PAPPA: variants seen among roughly 807,000 people sequenced by gnomAD.
The protein encoded by PAPPA is pappalysin-1.
PAPPA carries 60 observed loss-of-function variants against 164.0 expected under a neutral mutation model. The ratio of observed to expected loss-of-function variants is 0.37; its 90% CI spans 0.30 to 0.45. PAPPA has a LOEUF of 0.45. PAPPA is among the 20% of genes least tolerant of loss of function. The pLI, the probability that PAPPA is intolerant of heterozygous loss-of-function variation, is 1.00. For missense variants in PAPPA, 1,782 were observed against 2,087.3 expected (o/e 0.85, Z 2.85); for synonymous variants, 875 against 814.1 (o/e 1.07, Z -1.27).
chr9:116,376,855 A>G (rs901989894), intron 19 of PAPPA, among the ~76,000 whole-genome samples: 1 of 152,158 alleles, frequency 6.6e-6, no homozygotes, highest in Admixed American at 6.5e-5. Context: ...GCAGACCAGT[A>G]TGACACGGCA....
intron 1 of PAPPA, among the ~76,000 whole-genome samples, chr9:116,170,002 A>G (rs1448962073): frequency 5.9e-5 from 9 of 152,122 alleles, no homozygotes; most frequent in Non-Finnish European, 1.3e-4. Context: ...CCTATTTTAG[A>G]TCAACGAGGA....
At chr9:116,317,536 A>G (rs1291078219) in intron 10 of PAPPA, among the ~76,000 whole-genome samples, 1 of 152,146 alleles carries the variant, frequency 6.6e-6, no homozygotes, top group Non-Finnish European at 1.5e-5. Flanking sequence ...AGCTAAGTAG[A>G]TTTTTGTTTT....
intron 9 of PAPPA, among the ~76,000 whole-genome samples, chr9:116,294,341 C>T (rs1195849253): frequency 6.6e-6 from 1 of 152,124 alleles, no homozygotes; most frequent in African/African-American, 2.4e-5. Flanking sequence ...TTCAGTAGAC[C>T]TAATCAGCAT....
chr9:116,170,663 A>G (rs1042129804), intron 1 of PAPPA, among the ~76,000 whole-genome samples: 3 of 123,926 alleles, frequency 2.4e-5, no homozygotes. Flanking sequence ...CCTTCCATCC[A>G]CCCTTCCATC....
intron 4 of PAPPA, among the ~76,000 whole-genome samples, chr9:116,216,701 C>T (rs1316404169): frequency 1.3e-5 from 2 of 152,118 alleles, no homozygotes; most frequent in Non-Finnish European, 2.9e-5. Context: ...TGCTAAGTCT[C>T]CAAGTAATGT....
At chr9:116,327,209 T>C (rs1486812171) in intron 10 of PAPPA, among the ~76,000 whole-genome samples, 1 of 152,160 alleles carries the variant, frequency 6.6e-6, no homozygotes, top group Non-Finnish European at 1.5e-5. Context: ...CCAGGTCTTG[T>C]TCACACCAGC....
intron 17 of PAPPA, among the ~76,000 whole-genome samples, chr9:116,356,304 A>T (rs576401967): frequency 1.3e-5 from 2 of 152,296 alleles, no homozygotes; most frequent in East Asian, 3.9e-4. Flanking sequence ...CTACATACCT[A>T]ATAGTTTGTT....
intron 11 of PAPPA, 82 bp from the exon 12 acceptor site, chr9:116,332,251 C>T: frequency 1.6e-6 from 2 of 1,264,802 alleles, no homozygotes; most frequent in Non-Finnish European, 2.3e-6. Flanking sequence ...GGAAGTTTCT[C>T]CTCAAATGCA....
At chr9:116,335,689 G>A (rs1846052622) in intron 13 of PAPPA, among the ~76,000 whole-genome samples, 1 of 152,210 alleles carries the variant, frequency 6.6e-6, no homozygotes. Flanking sequence ...AGCGAGTGGA[G>A]TTTCCTGAAA....
intron 13 of PAPPA, 64 bp from the exon 14 acceptor site, chr9:116,344,479 T>A (rs1476539418): frequency 7.2e-6 from 11 of 1,517,596 alleles, no homozygotes; most frequent in Non-Finnish European, 9.9e-6. Flanking sequence ...AGCCTTTATC[T>A]TCCAACTGAG....
At chr9:116,165,881 C>A (rs1393140331) in intron 1 of PAPPA, among the ~76,000 whole-genome samples, 1 of 152,196 alleles carries the variant, frequency 6.6e-6, no homozygotes, top group South Asian at 2.1e-4. Context: ...TCCCACTATG[C>A]TTTCTGCACA....
intron 1 of PAPPA, among the ~76,000 whole-genome samples, chr9:116,171,876 T>G (rs1452824447): frequency 6.6e-6 from 1 of 152,118 alleles, no homozygotes; most frequent in Non-Finnish European, 1.5e-5. Context: ...GCCTGCAGTG[T>G]TATCTGAAGC....
Position 116,154,087 on chromosome 9 carries a change from A to G in PAPPA, c.-86A>G, listed in dbSNP as rs1350563188. The G allele has an allele frequency of 2.8e-5, 32 of 1,145,576 alleles. No homozygotes were observed. Among genetic ancestry groups the G allele is most frequent in the Non-Finnish European group, 3.5e-5 (32 of 923,576 alleles). The allele number at this position is 1,145,576 out of a possible 1,614,324, so 71.0% of individuals were successfully genotyped here. ...TCGCCCAAGAAGGGTGAAGAAGCGA[A>G]GAAAGTCGAGGCGCCGAGGCTCCCA... On this transcript the variant is annotated 5_prime_UTR_variant, in exon 1 of 22. Coordinates refer to ENST00000328252, the MANE Select transcript of PAPPA (RefSeq NM_002581.5). The surrounding 1 kb of genome is among the most constrained non-coding windows in gnomAD (Gnocchi z 5.2).
intron 2 of PAPPA, among the ~76,000 whole-genome samples, chr9:116,199,765 A>G (rs1844149298): frequency 6.6e-6 from 1 of 152,166 alleles, no homozygotes. Context: ...TTCTACAGAC[A>G]GTACAAGAAG....
Position 116,154,378 on chromosome 9 carries a change from G to C in PAPPA, c.206G>C (p.Trp69Ser), listed in dbSNP as rs984156607. 36 of 1,055,704 alleles carry C rather than the reference G, an allele frequency of 3.4e-5. No homozygotes were observed. In the Admixed American group the frequency reaches 8.7e-4, roughly 26 times the overall value. 65.4% of individuals were successfully genotyped at this position (1,055,704 alleles called of 1,614,324 possible). Residue 69 changes from tryptophan to serine, a missense_variant, in exon 1 of 22, where the codon TGG (tryptophan) becomes TCG (serine). Around this residue, in one of 2 missense-constraint regions of PAPPA, gnomAD observed 458 missense variants for 430.3 expected, o/e 1.06. Coordinates refer to ENST00000328252, the MANE Select transcript of PAPPA (RefSeq NM_002581.5). The surrounding 1 kb of genome is among the most constrained non-coding windows in gnomAD (Gnocchi z 5.2). ...CCGCCGCCGCCGCCGGGCGGTGCCT[G>C]GGAAGCCGTGCGCGTCCCCCGGCGG... ...PPPPPPPGGAWEAVRVPRRRQ... is the reference protein window; with the variant it reads ...PPPPPPPGGASEAVRVPRRRQ...
intron 21 of PAPPA, among the ~76,000 whole-genome samples, chr9:116,384,144 C>A (rs902443121): frequency 6.6e-6 from 1 of 151,926 alleles, no homozygotes; most frequent in Non-Finnish European, 1.5e-5. Context: ...GAATTACTTG[C>A]GCTGAGCACA....
chr9:116,301,806 G>C (rs752414223), intron 9 of PAPPA, among the ~76,000 whole-genome samples: 1 of 152,210 alleles, frequency 6.6e-6, no homozygotes, highest in Non-Finnish European at 1.5e-5. Context: ...AGACAGGAAG[G>C]GTTCTTGGTG....
chr9:116,255,381 T>C (rs548621074), intron 7 of PAPPA, among the ~76,000 whole-genome samples: 1 of 152,066 alleles, frequency 6.6e-6, no homozygotes, highest in African/African-American at 2.4e-5. Context: ...ATATTAGAAA[T>C]AGTATGGAAA....
chr9:116,369,954 C>T (rs1334304261), intron 19 of PAPPA, among the ~76,000 whole-genome samples: 1 of 152,106 alleles, frequency 6.6e-6, no homozygotes, highest in African/African-American at 2.4e-5. Context: ...TTGATGATTT[C>T]CAGGAATAAG....
Sources: gnomAD v4.1 joint callset for allele counts (sites outside exome capture counted in the v4.1 genomes callset) on GRCh38, gnomAD v4.1.1 for gene constraint, gnomAD v4.1.1 regional missense constraint, Gnocchi (gnomAD v3.1) non-coding constraint, MANE v1.5 for transcripts, NCBI Gene and HGNC (gene_info 2026-07-23, HGNC 2026-07-21) for gene names.